UNC13A: variants seen among roughly 807,000 people sequenced by gnomAD.
UNC13A encodes unc-13 homolog A.
In UNC13A, 61 loss-of-function variants were observed where a neutral mutation model predicts 219.7. The ratio of observed to expected loss-of-function variants is 0.28; its 90% CI spans 0.23 to 0.34. The LOEUF (loss-of-function observed/expected upper bound fraction) is 0.34. Among genes scored for constraint, UNC13A ranks in the 10% least tolerant of loss-of-function variants. UNC13A has a pLI of 1.00. For missense variants in UNC13A, 1,476 were observed against 2,270.3 expected (o/e 0.65, Z 7.11); for synonymous variants, 920 against 884.6 (o/e 1.04, Z -0.71).
chr19:17,650,391 G>C (rs373661279), intron 12 of UNC13A, among the ~76,000 whole-genome samples: 3 of 152,160 alleles, frequency 2.0e-5, no homozygotes, highest in East Asian at 3.9e-4. Context: ...GTGCATGCCT[G>C]TAGTCCCAGC....
intron 12 of UNC13A, among the ~76,000 whole-genome samples, chr19:17,651,944 A>T (rs2079356607): frequency 6.6e-6 from 1 of 152,178 alleles, no homozygotes; most frequent in African/African-American, 2.4e-5. Context: ...ACATGACCAC[A>T]TTCTCCACTG....
chr19:17,628,476 C>A lies in UNC13A; in HGVS notation c.3754-536G>T, dbSNP rs558221038. On this transcript the variant is annotated intron_variant, in intron 31 of 43. Transcript: ENST00000519716. ...ACCCACCCAGACGTGCACAAACACA[C>A]ACACACACTCACACTATATGCAGTT... is the stretch of plus-strand genomic sequence containing the variant. 1.8e-5 allele frequency: 3 copies of A among 169,560 alleles called. No individual in the cohort carries two copies. The East Asian group carries it at 5.0e-4, about 28-fold the overall frequency. 10.5% of individuals were successfully genotyped at this position (169,560 alleles called of 1,614,324 possible).
chr19:17,626,372 G>A (rs760548175), intron 34 of UNC13A: 96 of 424,690 alleles, frequency 2.3e-4, no homozygotes, highest in Non-Finnish European at 2.7e-4. Flanking sequence ...TTTAATCCAT[G>A]CGTCCACCCA....
At chr19:17,673,671 CCA>C (rs1447540668) in intron 3 of UNC13A, among the ~76,000 whole-genome samples, 7 of 151,616 alleles carry the variant, frequency 4.6e-5, no homozygotes, top group Non-Finnish European at 8.8e-5. Context: ...CCAGCCTGGG[CCA>C]CAGAGTGAGG....
In UNC13A at chr19:17,618,404, G is replaced by A; in HGVS notation, c.4410+17C>T. On this transcript the variant is annotated intron_variant, in intron 40 of 43. Coordinates refer to ENST00000519716, the MANE Select transcript of UNC13A (RefSeq NM_001080421.3). ...CTACATCCCCCACCTGGGATGGGGA[G>A]GGGTAGGGCCTCTCACCTTGATGGT... is the stretch of plus-strand genomic sequence containing the variant. 1 of 1,566,950 alleles carries A rather than the reference G, an allele frequency of 6.4e-7. No homozygotes were observed. The highest frequency in any genetic ancestry group is 8.7e-7 in the Non-Finnish European group (1 of 1,155,830).
In UNC13A at chr19:17,627,533, T is replaced by C; in HGVS notation, c.3896A>G (p.Glu1299Gly). Residue 1299 changes from glutamate to glycine, a missense_variant, in exon 33 of 44, where the codon GAG (glutamate) becomes GGG (glycine). Coordinates refer to ENST00000519716, the MANE Select transcript of UNC13A (RefSeq NM_001080421.3). The surrounding 1 kb of genome is among the most constrained non-coding windows in gnomAD (Gnocchi z 4.7). ...CCTGGTAGCAAACACCCGGCTGAGCTCATCCAAGACGTTATTGAGTTTCAC... is the reference window on the plus strand; with the variant it reads ...CCTGGTAGCAAACACCCGGCTGAGCCCATCCAAGACGTTATTGAGTTTCAC... ...LQVKLNNVLD[E>G]LSRVFATSFQ... is the part of the protein sequence containing the mutation. The C allele has an allele frequency of 6.4e-7, 1 of 1,562,224 alleles. No homozygotes were observed. Among genetic ancestry groups the C allele is most frequent in the Non-Finnish European group, 8.7e-7 (1 of 1,152,660 alleles).
intron 1 of UNC13A, among the ~76,000 whole-genome samples, chr19:17,685,985 C>T (rs1258487040): frequency 1.3e-5 from 2 of 151,586 alleles, no homozygotes; most frequent in East Asian, 3.9e-4. Flanking sequence ...GGGAGACTGG[C>T]CTCACCCAGC....
chr19:17,635,889 T>C, intron 26 of UNC13A, 135 bp downstream of exon 26: 1 of 1,138,640 alleles, frequency 8.8e-7, no homozygotes, highest in East Asian at 2.6e-5. Flanking sequence ...TTTGCACAGG[T>C]ATAATCAGAC....
At position 17,626,685 on chromosome 19, in the gene UNC13A, C is replaced by A; in HGVS notation, c.4021G>T (p.Ala1341Ser). 1 of 1,591,862 alleles carries A rather than the reference C, an allele frequency of 6.3e-7. No individual in the cohort carries two copies. Among genetic ancestry groups the A allele is most frequent in the Non-Finnish European group, 8.6e-7 (1 of 1,168,974 alleles). ...NVPASACSSV[A>S]QDADNVLQPI... Reference sequence around the variant, plus strand: ...TGCAACACATTGTCCGCGTCCTGGGCCACGCTGCTGCAGGCACTGGCTGGC... The same window carrying A: ...TGCAACACATTGTCCGCGTCCTGGGACACGCTGCTGCAGGCACTGGCTGGC... The change falls in exon 34 of 44, where the codon GCC (alanine) becomes TCC (serine). Residue 1341 changes from alanine to serine, a missense_variant. Physicochemically the swap from Ala to Ser is moderately conservative, Grantham distance 99. Around this residue, in one of 14 missense-constraint regions of UNC13A, gnomAD observed 218 missense variants for 409.4 expected, o/e 0.53. Coordinates refer to ENST00000519716, the MANE Select transcript of UNC13A (RefSeq NM_001080421.3).
intron 41 of UNC13A, chr19:17,614,097 C>G (rs2076635200): frequency 6.6e-6 from 1 of 151,842 alleles, no homozygotes; most frequent in African/African-American, 2.4e-5. Flanking sequence ...CCTCCGCCTC[C>G]CAGGTTAAAG....
At chr19:17,635,943 C>T in intron 26 of UNC13A, 81 bp downstream of exon 26, 1 of 1,489,026 alleles carries the variant, frequency 6.7e-7, no homozygotes, top group South Asian at 1.4e-5. Context: ...TAGACAAAAT[C>T]ATCTTGACAC....
rs552847488 is a variant in UNC13A, at chr19:17,605,997, C to A, written c.*57G>T. The A allele has an allele frequency of 4.4e-6, 6 of 1,371,906 alleles. No individual in the cohort carries two copies. The East Asian group carries it at 1.5e-4, about 35-fold the overall frequency. The allele number at this position is 1,371,906 out of a possible 1,614,324, so 85.0% of individuals were successfully genotyped here. On this transcript the variant is annotated 3_prime_UTR_variant, in exon 44 of 44. Coordinates refer to ENST00000519716, the MANE Select transcript of UNC13A (RefSeq NM_001080421.3). ...GGTCCCACCAAGGCGCAAGCCCCGT[C>A]CCTCCCCGCCCAGCGCCCTCCGCGC...
intron 19 of UNC13A, among the ~76,000 whole-genome samples, chr19:17,644,458 G>T (rs994997669): frequency 7.4e-5 from 11 of 148,396 alleles, no homozygotes; most frequent in Non-Finnish European, 1.5e-4. Context: ...CAACCAATAT[G>T]TTGGGATAAC....
chr19:17,623,386 C>T (rs1243530141), intron 36 of UNC13A, 156 bp downstream of exon 36: 3 of 586,068 alleles, frequency 5.1e-6, no homozygotes, highest in South Asian at 2.3e-5. Context: ...CCCCATGCCC[C>T]GCCCCAGACA....
intron 28 of UNC13A, among the ~76,000 whole-genome samples, chr19:17,631,169 C>T (rs1431936864): frequency 1.5e-4 from 3 of 20,656 alleles, no homozygotes; most frequent in East Asian, 7.9e-4. Context: ...CTCCCTCCCT[C>T]CCTCCCTCCT....
chr19:17,617,754 C>T lies in UNC13A; in HGVS notation c.4506G>A (p.Thr1502=), dbSNP rs567895276. The change falls in exon 41 of 44, where the codon ACG becomes ACA. Residue 1502 remains threonine (T), a synonymous_variant. Coordinates refer to ENST00000519716, the MANE Select transcript of UNC13A (RefSeq NM_001080421.3). ...QSLRYALSLY[T]QATDLLIKTF... The stretch of plus-strand genomic sequence containing the variant: ...TCTTGATTAGCAGGTCGGTGGCCTG[C>T]GTGTAGAGCGACAGGGCATAGCGCA... 1.6e-4 allele frequency: 258 copies of T among 1,613,898 alleles called. 2 individuals are homozygous for T. The South Asian group carries it at 2.6e-3, about 16-fold the overall frequency.
intron 16 of UNC13A, 145 bp downstream of exon 16, chr19:17,648,286 T>C: frequency 1.4e-6 from 1 of 700,372 alleles, no homozygotes; most frequent in Non-Finnish European, 1.9e-6. Context: ...TTTCAGCGAG[T>C]CCCTCCCCTG....
intron 27 of UNC13A, 24 bp from the exon 28 acceptor site, chr19:17,632,932 C>T: frequency 6.2e-7 from 1 of 1,613,650 alleles, no homozygotes; most frequent in Non-Finnish European, 8.5e-7. Context: ...AAGAGGATGG[C>T]ACAGCTGGAA....
At chr19:17,669,767 C>T in intron 4 of UNC13A, 91 bp from the exon 5 acceptor site, 1 of 1,435,182 alleles carries the variant, frequency 7.0e-7, no homozygotes. Context: ...TCCCCCTCAC[C>T]CCTACCCCAA....
Sources: allele counts gnomAD v4.1 joint callset (sites outside exome capture counted in the v4.1 genomes callset), GRCh38; gene constraint gnomAD v4.1.1; regional missense constraint gnomAD v4.1.1; non-coding constraint Gnocchi (gnomAD v3.1); transcripts MANE v1.5; gene names NCBI Gene and HGNC (gene_info 2026-07-23, HGNC 2026-07-21).